Variants in ITGAM observed in about 807,000 individuals in gnomAD.
ITGAM encodes the protein integrin subunit alpha M.
ITGAM carries 79 observed loss-of-function variants against 137.5 expected under a neutral mutation model. The ratio of observed to expected loss-of-function variants is 0.57; its 90% CI spans 0.48 to 0.69. The LOEUF is 0.69. ITGAM is among the 30% of genes least tolerant of loss of function. The pLI, the probability that ITGAM is intolerant of heterozygous loss-of-function variation, is 0.00. For synonymous variants in ITGAM, 583 were observed against 592.3 expected (o/e 0.98, Z 0.23); for missense variants, 1,343 against 1,483.5 (o/e 0.91, Z 1.56).
intron 12 of ITGAM, among the ~76,000 whole-genome samples, chr16:31,285,462 A>G (rs751757409): frequency 5.3e-5 from 8 of 151,986 alleles, no homozygotes; most frequent in Non-Finnish European, 8.8e-5. Flanking sequence ...TGTCTCTACT[A>G]AAAATAAAAA....
intron 9 of ITGAM, among the ~76,000 whole-genome samples, chr16:31,276,329 C>A (rs762049396): frequency 6.6e-6 from 1 of 151,900 alleles, no homozygotes; most frequent in Admixed American, 6.6e-5. Context: ...GCTTTCTTTT[C>A]TTTTCTTTCT....
At position 31,276,997 on chromosome 16, in the gene ITGAM, C is replaced by T. The variant is rs1385766018; in HGVS notation, c.1161C>T (p.Ser387=). 9 of 1,613,144 alleles carry T rather than the reference C, an allele frequency of 5.6e-6. No individual in the cohort carries two copies. Among genetic ancestry groups the T allele is most frequent in the Non-Finnish European group, 7.6e-6 (9 of 1,179,562 alleles). ...TTCTATATACATCAAAGGAGAAAAG[C>T]ACCTTCATCAACATGACCAGAGTGG... ...GVFLYTSKEK[S]TFINMTRVDS... The change falls in exon 11 of 30, where the codon AGC becomes AGT. Residue 387 remains serine (S), a synonymous_variant. Transcript: ENST00000544665.
chr16:31,269,861 C>T (rs958265914), intron 5 of ITGAM, among the ~76,000 whole-genome samples: 1 of 152,148 alleles, frequency 6.6e-6, no homozygotes, highest in African/African-American at 2.4e-5. Context: ...ACCTCACTGC[C>T]CTCCTCCCTC....
At chr16:31,328,890 G>T in intron 23 of ITGAM, 1 of 451,934 alleles carries the variant, frequency 2.2e-6, no homozygotes, top group South Asian at 2.3e-5. Context: ...GCATGAGTGT[G>T]TATTCGTGCA....
At chr16:31,309,581 A>G (rs2080301373) in intron 14 of ITGAM, among the ~76,000 whole-genome samples, 1 of 152,070 alleles carries the variant, frequency 6.6e-6, no homozygotes, top group Non-Finnish European at 1.5e-5. Context: ...AATACAGCAC[A>G]CTGATGGGTC....
chr16:31,325,199 G>T, intron 19 of ITGAM, 64 bp from the exon 20 acceptor site: 1 of 1,556,670 alleles, frequency 6.4e-7, no homozygotes, highest in Non-Finnish European at 8.7e-7. Context: ...CTGTTCTGCT[G>T]GAGCAGGCTT....
chr16:31,322,250 A>T (rs889260016), intron 16 of ITGAM, among the ~76,000 whole-genome samples: 1 of 152,122 alleles, frequency 6.6e-6, no homozygotes, highest in Non-Finnish European at 1.5e-5. Flanking sequence ...TGAGCCCAGG[A>T]GGTTGAGGCC....
Position 31,325,609 on chromosome 16 carries a change from C to G in ITGAM, c.2615C>G (p.Pro872Arg), listed in dbSNP as rs769730321. 10 of 1,613,652 alleles carry G rather than the reference C, an allele frequency of 6.2e-6. No homozygotes were observed. In the African/African-American group the frequency reaches 9.3e-5, roughly 15 times the overall value. The change falls in exon 21 of 30, where the codon CCG (proline) becomes CGG (arginine). Residue 872 changes from proline to arginine, a missense_variant. Pro to Arg is a moderately radical substitution (Grantham distance 103). Coordinates refer to ENST00000544665, the MANE Select transcript of ITGAM (RefSeq NM_000632.4). ...TGCAGCATAAACCACCCCATCTTCC[C>G]GGAAAACTCAGAGGTCAGAACTCCT... is the stretch of plus-strand genomic sequence containing the variant. ...TSCSINHPIF[P>R]ENSEVTFNIT...
At position 31,322,433 on chromosome 16, in the gene ITGAM, T is replaced by C. The variant is rs75119375; in HGVS notation, c.2002+806T>C. The stretch of plus-strand genomic sequence containing the variant: ...AAGAAGAGGTACCCTTAAACCTACA[T>C]AGAAGTCCCCCTCTACTCTTTGGCT... On this transcript the variant is annotated intron_variant, in intron 16 of 29. Coordinates refer to ENST00000544665, the MANE Select transcript of ITGAM (RefSeq NM_000632.4). 4.0e-4 allele frequency among the ~76,000 whole-genome samples: 61 copies of C among 152,270 alleles called. 1 individual carries two copies. In the East Asian group the frequency reaches 9.8e-3, roughly 25 times the overall value.
intron 10 of ITGAM, 81 bp from the exon 11 acceptor site, chr16:31,276,839 G>T: frequency 6.3e-7 from 1 of 1,585,748 alleles, no homozygotes. Flanking sequence ...CTCTGTGATA[G>T]ATACTTGGGA....
intron 12 of ITGAM, among the ~76,000 whole-genome samples, chr16:31,296,894 A>G (rs1029694348): frequency 6.6e-6 from 1 of 152,266 alleles, no homozygotes; most frequent in Non-Finnish European, 1.5e-5. Flanking sequence ...ATATCACAAC[A>G]AATATTCAAA....
At chr16:31,327,733 T>C (rs1430114341) in intron 22 of ITGAM, among the ~76,000 whole-genome samples, 1 of 151,076 alleles carries the variant, frequency 6.6e-6, no homozygotes, top group Non-Finnish European at 1.5e-5. Flanking sequence ...AAGATCAGGG[T>C]GTGTTTAAGA....
chr16:31,266,242 G>A (rs953818605), intron 5 of ITGAM, 95 bp downstream of exon 5: 1 of 802,216 alleles, frequency 1.2e-6, no homozygotes, highest in African/African-American at 1.7e-5. Context: ...TGGGCTCTGG[G>A]TGCAGAAGAG....
At chr16:31,265,116 C>T (rs1176615565) in intron 2 of ITGAM, among the ~76,000 whole-genome samples, 3 of 152,124 alleles carry the variant, frequency 2.0e-5, no homozygotes, top group African/African-American at 7.2e-5. Context: ...CAATCCACCC[C>T]CTTGGCCTCC....
chr16:31,321,321 T>G lies in ITGAM; in HGVS notation c.1788T>G (p.Asp596Glu), dbSNP rs371885848. The G allele has an allele frequency of 6.2e-7, 1 of 1,614,048 alleles. No homozygotes were observed. The highest frequency in any genetic ancestry group is 1.1e-5 in the South Asian group (1 of 91,086). The change falls in exon 15 of 30, where the codon GAT becomes GAG. Residue 596 changes from aspartate (D) to glutamate (E), a missense_variant. By Grantham distance (45) the Asp-to-Glu change is conservative. Coordinates refer to ENST00000544665, the MANE Select transcript of ITGAM (RefSeq NM_000632.4). Reference protein sequence around the residue: ...SLSGGQDLTMDGLVDLTVGAQ... With the variant: ...SLSGGQDLTMEGLVDLTVGAQ... ...GTGGGGGCCAGGACCTCACAATGGA[T>G]GGACTGGTAGACCTGACTGTAGGAG... is the stretch of plus-strand genomic sequence containing the variant.
intron 24 of ITGAM, among the ~76,000 whole-genome samples, 200 bp downstream of exon 24, chr16:31,329,503 C>T (rs550164201): frequency 6.6e-6 from 1 of 152,270 alleles, no homozygotes; most frequent in Admixed American, 6.5e-5. Context: ...CTTGTATTAC[C>T]TTCGTAGCGA....
At chr16:31,271,427 A>T (rs956385401) in intron 6 of ITGAM, among the ~76,000 whole-genome samples, 10 of 152,202 alleles carry the variant, frequency 6.6e-5, no homozygotes, top group African/African-American at 2.2e-4. Context: ...ATCTTGGCTC[A>T]CTGCAACCTC....
At chr16:31,282,027 T>C (rs1440525582) in intron 12 of ITGAM, among the ~76,000 whole-genome samples, 2 of 152,144 alleles carry the variant, frequency 1.3e-5, no homozygotes, top group East Asian at 3.9e-4. Flanking sequence ...AGTTGAGCGG[T>C]TTTGAGTGAG....
rs1448249148 is a variant in ITGAM, at chr16:31,330,070, T to C, written c.2977-11T>C. 6.2e-7 allele frequency: 1 copy of C among 1,612,684 alleles called. No individual in the cohort carries two copies. The highest frequency in any genetic ancestry group is 2.2e-5 in the East Asian group (1 of 44,852). On this transcript the variant is annotated splice_polypyrimidine_tract_variant and intron_variant, in intron 25 of 29. Transcript: ENST00000544665. ...CATCTCTGCCCCTTCTCAGTGCGTC[T>C]CTTTCCTCAGAACCTCTCGAGTACG...
Sources: gnomAD v4.1 joint callset for allele counts (sites outside exome capture counted in the v4.1 genomes callset) on GRCh38, gnomAD v4.1.1 for gene constraint, MANE v1.5 for transcripts, NCBI Gene and HGNC (gene_info 2026-07-23, HGNC 2026-07-21) for gene names.